The following SMARCC1 variants were observed in gnomAD, a reference collection of about 807,000 sequenced individuals.
The protein encoded by SMARCC1 is SWI/SNF related BAF chromatin remodeling complex subunit C1, also known as SWI/SNF complex subunit SMARCC1.
In SMARCC1, 43 loss-of-function variants were observed where a neutral mutation model predicts 147.4. The ratio of observed to expected loss-of-function variants is 0.29; its 90% CI spans 0.23 to 0.38. The LOEUF (loss-of-function observed/expected upper bound fraction) is 0.38. Ranked by LOEUF, SMARCC1 falls within the 10% of genes least tolerant of loss-of-function variation. SMARCC1 has a pLI of 1.00. For missense variants in SMARCC1, 1,119 were observed against 1,381.1 expected (o/e 0.81, Z 3.01); for synonymous variants, 495 against 484.4 (o/e 1.02, Z -0.29).
intron 26 of SMARCC1, among the ~76,000 whole-genome samples, chr3:47,592,822 GTTTT>G (rs139189268): frequency 2.2e-5 from 3 of 136,562 alleles, no homozygotes; most frequent in Non-Finnish European, 4.6e-5. Context: ...TGGTAGTCTT[GTTTT>G]TTTTTTTTTT....
intron 26 of SMARCC1, among the ~76,000 whole-genome samples, chr3:47,608,237 A>G (rs1421348619): frequency 6.6e-6 from 1 of 152,138 alleles, no homozygotes; most frequent in Non-Finnish European, 1.5e-5. Flanking sequence ...GCAGATGTGC[A>G]CCATTACACC....
At chr3:47,772,307 T>C (rs879570792) in intron 2 of SMARCC1, among the ~76,000 whole-genome samples, 1 of 152,074 alleles carries the variant, frequency 6.6e-6, no homozygotes, top group Admixed American at 6.6e-5. Context: ...GGTGGGAAGA[T>C]GGCTAGAGCC....
At chr3:47,650,059 G>A (rs1471590896) in intron 21 of SMARCC1, among the ~76,000 whole-genome samples, 4 of 151,492 alleles carry the variant, frequency 2.6e-5, no homozygotes, top group East Asian at 2.0e-4. Flanking sequence ...GGCGGATCAC[G>A]AGGTCAGGAG....
chr3:47,702,050 T>C (rs1329317786), intron 10 of SMARCC1, among the ~76,000 whole-genome samples: 1 of 152,136 alleles, frequency 6.6e-6, no homozygotes, highest in Admixed American at 6.6e-5. Context: ...CAATCACATA[T>C]GTGATCAAAG....
chr3:47,626,487 GA>G (rs1180143425), intron 24 of SMARCC1, among the ~76,000 whole-genome samples: 17 of 143,816 alleles, frequency 1.2e-4, no homozygotes, highest in South Asian at 2.2e-4. Context: ...AAGAAAGAAA[GA>G]AAAAAAAAGG....
At chr3:47,671,180 A>AAAAAAAAAAAAAAAC (rs1559640637) in intron 18 of SMARCC1, among the ~76,000 whole-genome samples, 1 of 142,872 alleles carries the variant, frequency 7.0e-6, no homozygotes, top group Non-Finnish European at 1.5e-5. Flanking sequence ...TCTCAAAAAA[A>AAAAAAAAAAAAAAAC]AAAAAAAAAA....
At chr3:47,763,090 T>C (rs957963708) in intron 2 of SMARCC1, among the ~76,000 whole-genome samples, 2 of 151,374 alleles carry the variant, frequency 1.3e-5, no homozygotes, top group Admixed American at 6.6e-5. Context: ...GAGAAAACGT[T>C]GAATGATAGT....
At position 47,675,528 on chromosome 3, in the gene SMARCC1, A is replaced by G; in HGVS notation, c.1786T>C (p.Leu596=). 6.2e-7 allele frequency: 1 copy of G among 1,613,484 alleles called. No homozygotes were observed. The highest frequency in any genetic ancestry group is 8.5e-7 in the Non-Finnish European group (1 of 1,179,388). ...PEKNKEKPVD[L]QNFGLRTDIY... ...TCAGTACGGAGACCAAAGTTCTGCAAATCAACTGGTTTTTCCTTGTTTTTC... is the reference window on the plus strand; with the variant it reads ...TCAGTACGGAGACCAAAGTTCTGCAGATCAACTGGTTTTTCCTTGTTTTTC... Residue 596 remains leucine (L), a synonymous_variant, in exon 18 of 28, where the codon TTG becomes CTG. Coordinates refer to ENST00000254480, the MANE Select transcript of SMARCC1 (RefSeq NM_003074.4).
chr3:47,595,152 G>A (rs1179642606), intron 26 of SMARCC1, among the ~76,000 whole-genome samples: 1 of 152,202 alleles, frequency 6.6e-6, no homozygotes, highest in Non-Finnish European at 1.5e-5. Flanking sequence ...GCCTGAAGAG[G>A]ACATCTGGCG....
chr3:47,731,916 C>G (rs564753030), intron 5 of SMARCC1, among the ~76,000 whole-genome samples: 18 of 152,220 alleles, frequency 1.2e-4, no homozygotes, highest in Non-Finnish European at 2.6e-4. Flanking sequence ...CTTCAACTTA[C>G]AGTCACCAAC....
intron 2 of SMARCC1, among the ~76,000 whole-genome samples, chr3:47,764,944 G>C (rs558201865): frequency 1.3e-5 from 2 of 152,218 alleles, no homozygotes; most frequent in East Asian, 3.9e-4. Flanking sequence ...CACTAACACA[G>C]TGATACCTAT....
At chr3:47,755,648 G>A (rs2034688096) in intron 2 of SMARCC1, among the ~76,000 whole-genome samples, 1 of 151,674 alleles carries the variant, frequency 6.6e-6, no homozygotes, top group Non-Finnish European at 1.5e-5. Flanking sequence ...CATGAGGTCA[G>A]GAGTTCGAGA....
intron 21 of SMARCC1, among the ~76,000 whole-genome samples, chr3:47,639,310 C>G (rs2033016514): frequency 6.6e-6 from 1 of 152,076 alleles, no homozygotes; most frequent in Non-Finnish European, 1.5e-5. Context: ...CACAAACCAG[C>G]ACAGTATAAC....
chr3:47,733,650 G>A (rs534181880), intron 5 of SMARCC1, among the ~76,000 whole-genome samples: 95 of 152,018 alleles, frequency 6.2e-4, no homozygotes, highest in African/African-American at 2.1e-3. Context: ...ACTTTGGGAG[G>A]CCGAGGCGGG....
At chr3:47,651,173 G>A (rs1367637792) in intron 21 of SMARCC1, among the ~76,000 whole-genome samples, 1 of 152,024 alleles carries the variant, frequency 6.6e-6, no homozygotes, top group Non-Finnish European at 1.5e-5. Flanking sequence ...GTGTGGTGAT[G>A]CACCCCTGTG....
At chr3:47,750,761 T>C (rs1167062246) in intron 2 of SMARCC1, among the ~76,000 whole-genome samples, 1 of 152,126 alleles carries the variant, frequency 6.6e-6, no homozygotes, top group Non-Finnish European at 1.5e-5. Flanking sequence ...CCACTTAAAA[T>C]TAGAGATCCA....
chr3:47,736,284 C>A (rs4858825), intron 4 of SMARCC1, among the ~76,000 whole-genome samples, 158 bp from the exon 5 acceptor site: 36,415 of 152,046 alleles, frequency 0.24, 5,656 homozygotes, highest in Admixed American at 0.31. Flanking sequence ...CATTAAGATA[C>A]CATACCAGAT....
At chr3:47,593,257 C>T (rs567910204) in intron 26 of SMARCC1, among the ~76,000 whole-genome samples, 80 of 151,926 alleles carry the variant, frequency 5.3e-4, no homozygotes, top group African/African-American at 9.7e-4. Flanking sequence ...CTGCAACCTC[C>T]GCCTCCTGGG....
intron 25 of SMARCC1, among the ~76,000 whole-genome samples, chr3:47,618,858 G>A (rs2032687108): frequency 6.6e-6 from 1 of 152,098 alleles, no homozygotes; most frequent in Non-Finnish European, 1.5e-5. Context: ...TTCTGTAAGC[G>A]CTCAGGGTTG....
Sources: allele counts gnomAD v4.1 joint callset (sites outside exome capture counted in the v4.1 genomes callset), GRCh38; gene constraint gnomAD v4.1.1; transcripts MANE v1.5; gene names NCBI Gene and HGNC (gene_info 2026-07-23, HGNC 2026-07-21).